Variants in REV1 observed in about 807,000 individuals in gnomAD.
The protein encoded by REV1 is translesion synthesis protein REV1.
REV1 carries 42 observed loss-of-function variants against 137.4 expected under a neutral mutation model. The ratio of observed to expected loss-of-function variants is 0.31; its 90% CI spans 0.24 to 0.40. REV1 has a LOEUF of 0.40. REV1 is among the 10% of genes least tolerant of loss of function. The probability of loss-of-function intolerance (pLI) is 1.00; values close to 1 mark genes in which losing one functional copy is unlikely to be tolerated. For synonymous variants in REV1, 524 were observed against 519.2 expected (o/e 1.01, Z -0.12); for missense variants, 1,282 against 1,490.1 (o/e 0.86, Z 2.30).
chr2:99,454,550 CAAAAAAAAAAAAAAAAAA>C (rs373850478), intron 3 of REV1, among the ~76,000 whole-genome samples: 103 of 82,344 alleles, frequency 1.3e-3, no homozygotes, highest in Non-Finnish European at 2.0e-3. Flanking sequence ...AACTCCAGCT[CAAAAAAAAAAAAAAAAAA>C]AAAAAAAAAA....
intron 4 of REV1, among the ~76,000 whole-genome samples, chr2:99,443,618 C>A (rs570239041): frequency 2.0e-5 from 3 of 152,184 alleles, no homozygotes; most frequent in East Asian, 3.9e-4. Flanking sequence ...ACCTAAAGTA[C>A]CTTAACCTAT....
chr2:99,472,318 C>G (rs1010250576), intron 1 of REV1, among the ~76,000 whole-genome samples: 2 of 152,162 alleles, frequency 1.3e-5, no homozygotes, highest in Non-Finnish European at 2.9e-5. Context: ...AAGACAAATA[C>G]TGTATGATTC....
chr2:99,449,956 AT>A (rs1171730182), intron 3 of REV1, among the ~76,000 whole-genome samples: 2 of 152,202 alleles, frequency 1.3e-5, no homozygotes, highest in Non-Finnish European at 2.9e-5. Context: ...AGTTACTCAT[AT>A]TTACTAAAAA....
intron 10 of REV1, among the ~76,000 whole-genome samples, chr2:99,423,589 A>C (rs1678961744): frequency 6.6e-6 from 1 of 152,202 alleles, no homozygotes; most frequent in African/African-American, 2.4e-5. Context: ...ACTTTTAAAT[A>C]TTTTTAAATA....
chr2:99,428,124 G>C (rs1229331719), intron 9 of REV1, among the ~76,000 whole-genome samples: 2 of 152,144 alleles, frequency 1.3e-5, no homozygotes, highest in East Asian at 3.9e-4. Context: ...TATAAAGGGA[G>C]AGACCCTGCA....
intron 1 of REV1, among the ~76,000 whole-genome samples, chr2:99,481,398 A>G (rs1686594789): frequency 1.3e-5 from 2 of 152,208 alleles, no homozygotes; most frequent in Non-Finnish European, 2.9e-5. Flanking sequence ...AATAAAAAAA[A>G]TGTTATGTAG....
At chr2:99,452,203 T>C (rs866986157) in intron 3 of REV1, among the ~76,000 whole-genome samples, 13 of 152,134 alleles carry the variant, frequency 8.5e-5, no homozygotes, top group Admixed American at 4.6e-4. Flanking sequence ...GGTGGGCAGA[T>C]TGCTTGAGCT....
rs1156777302 is a variant in REV1, at chr2:99,410,867, G to A, written c.2173C>T (p.Pro725Ser). ...AGAAGAAAAGCTTCTGCCTCTTTTG[G>A]CTATGGAAAGACAAACGTGGAGAAA... ...EINYGIRFTQ[P>S]KEAEAFLLSL... Residue 725 changes from proline to serine, a missense_variant and splice_region_variant, in exon 14 of 23, where the codon CCA (proline) becomes TCA (serine). Coordinates refer to ENST00000258428, the MANE Select transcript of REV1 (RefSeq NM_016316.4). 1.9e-6 allele frequency: 3 copies of A among 1,578,112 alleles called. No homozygotes were observed. Among genetic ancestry groups the A allele is most frequent in the Admixed American group, 4.1e-5 (2 of 48,390 alleles).
At chr2:99,451,679 T>C (rs1211138727) in intron 3 of REV1, among the ~76,000 whole-genome samples, 1 of 152,116 alleles carries the variant, frequency 6.6e-6, no homozygotes, top group Admixed American at 6.6e-5. Flanking sequence ...TAGAGGTCAC[T>C]CAATATGAAA....
intron 3 of REV1, among the ~76,000 whole-genome samples, chr2:99,459,650 G>A (rs948557303): frequency 2.0e-5 from 3 of 152,148 alleles, no homozygotes; most frequent in African/African-American, 7.2e-5. Flanking sequence ...AAGCTGCAGT[G>A]AGCCGTGATA....
intron 8 of REV1, chr2:99,432,017 TG>T: frequency 1.7e-6 from 1 of 602,146 alleles, no homozygotes; most frequent in Non-Finnish European, 2.1e-6. Flanking sequence ...GAATGAAAAC[TG>T]AAGTTGTCGA....
chr2:99,426,059 T>G (rs1309036564), intron 9 of REV1, among the ~76,000 whole-genome samples: 4 of 149,330 alleles, frequency 2.7e-5, no homozygotes, highest in Non-Finnish European at 5.9e-5. Context: ...CCAAATATGT[T>G]TATAGTCCAG....
intron 3 of REV1, among the ~76,000 whole-genome samples, chr2:99,449,734 TAAG>T (rs1682697619): frequency 1.3e-5 from 2 of 149,596 alleles, no homozygotes; most frequent in Non-Finnish European, 3.0e-5. Flanking sequence ...CAAAAACATC[TAAG>T]AAGTGCCTAG....
chr2:99,485,294 TTTC>T (rs1352235999), intron 1 of REV1, among the ~76,000 whole-genome samples: 1 of 152,204 alleles, frequency 6.6e-6, no homozygotes, highest in African/African-American at 2.4e-5. Context: ...CCATCAATTC[TTTC>T]TTCTCTTATT....
intron 1 of REV1, among the ~76,000 whole-genome samples, chr2:99,465,811 T>C (rs1028531069): frequency 9.2e-5 from 14 of 152,360 alleles, no homozygotes; most frequent in South Asian, 8.3e-4. Context: ...GGTTACCATA[T>C]GAAGCCTTAT....
intron 12 of REV1, among the ~76,000 whole-genome samples, chr2:99,413,253 G>A (rs1677428454): frequency 6.6e-6 from 1 of 152,104 alleles, no homozygotes; most frequent in Non-Finnish European, 1.5e-5. Context: ...ATAATACCAA[G>A]ATATGTATCT....
rs766326747 is a variant in REV1, at chr2:99,438,594, T to C, written c.1213+7A>G. 5 of 1,597,512 alleles carry C rather than the reference T, an allele frequency of 3.1e-6. No homozygotes were observed. The stretch of plus-strand genomic sequence containing the variant: ...TTCTTAAGAAGACAATTTTAATAAG[T>C]ATCTACCTGTGTCAGTTACAACAAG... On this transcript the variant is annotated splice_region_variant and intron_variant, in intron 6 of 22. Coordinates refer to ENST00000258428, the MANE Select transcript of REV1 (RefSeq NM_016316.4).
chr2:99,403,796 G>A lies in REV1; in HGVS notation c.3065C>T (p.Ala1022Val), dbSNP rs1394190284. The change falls in exon 19 of 23, where the codon GCT (alanine) becomes GTT (valine). Residue 1022 changes from alanine (A) to valine (V), a missense_variant. Around this residue, in one of 7 missense-constraint regions of REV1, gnomAD observed 23 missense variants for 46.3 expected, o/e 0.50. Transcript: ENST00000258428. ...CCTCTGAAGTTCAGCAGGAAGGGCA[G>A]CAAATACCTCAGGGTCCACCTAGTG... ...AFSQVDPEVF[A>V]ALPAELQREL... 1 of 1,614,174 alleles carries A rather than the reference G, an allele frequency of 6.2e-7. No homozygotes were observed. Among genetic ancestry groups the A allele is most frequent in the South Asian group, 1.1e-5 (1 of 91,084 alleles).
chr2:99,467,347 G>T (rs1050322313), intron 1 of REV1, among the ~76,000 whole-genome samples: 1 of 151,938 alleles, frequency 6.6e-6, no homozygotes, highest in Non-Finnish European at 1.5e-5. Flanking sequence ...AACTTTAAAA[G>T]GAAAAGGAAA....
Sources: gnomAD v4.1 joint callset for allele counts (sites outside exome capture counted in the v4.1 genomes callset) on GRCh38, gnomAD v4.1.1 for gene constraint, gnomAD v4.1.1 regional missense constraint, MANE v1.5 for transcripts, NCBI Gene and HGNC (gene_info 2026-07-23, HGNC 2026-07-21) for gene names.